NSUN7: variants seen among roughly 807,000 people sequenced by gnomAD.
NSUN7 encodes the protein NOP2/Sun RNA methyltransferase family member 7, also known as protein NSUN7.
A neutral mutation model predicts 58.5 loss-of-function variants in NSUN7; 39 were observed. The ratio of observed to expected loss-of-function variants is 0.67; its 90% confidence interval spans 0.52 to 0.87. NSUN7 has a LOEUF of 0.87. NSUN7 is among the 40% of genes least tolerant of loss of function. The probability of loss-of-function intolerance (pLI) is 0.00; values close to 1 mark genes in which losing one functional copy is unlikely to be tolerated. For missense variants in NSUN7, 765 were observed against 844.1 expected, an observed-to-expected ratio of 0.91 and a Z score of 1.16; for synonymous variants, 278 against 303.7, an observed-to-expected ratio of 0.92 and a Z score of 0.88.
Position 40,808,869 on chromosome 4 carries a change from C to T in NSUN7, c.2087C>T (p.Ser696Phe). 1.3e-6 allele frequency: 2 copies of T among 1,547,798 alleles called. No individual in the cohort carries two copies. Among genetic ancestry groups the T allele is most frequent in the Middle Eastern group, 1.7e-4 (1 of 5,994 alleles). The change falls in exon 12 of 12, where the codon TCC (serine) becomes TTC (phenylalanine). Residue 696 changes from serine (S) to phenylalanine (F), a missense_variant. Physicochemically the swap from Ser to Phe is radical, Grantham distance 155 (BLOSUM62 -2). Transcript: ENST00000381782. ...VPTCLPTHSL[S>F]RKEEKPKDDT... ...ACCTGCCTTCCCACACACTCACTAT[C>T]CAGAAAAGAGGAAAAGCCTAAAGAT...
chr4:40,774,675 AT>A, intron 5 of NSUN7, 91 bp from the exon 6 acceptor site: 3 of 836,432 alleles, frequency 3.6e-6, no homozygotes, highest in Non-Finnish European at 5.6e-6. Context: ...ATGAAGTGAT[AT>A]TTTTCTTTGT....
At chr4:40,808,191 T>C in intron 11 of NSUN7, 116 bp from the exon 12 acceptor site, 2 of 1,186,906 alleles carry the variant, frequency 1.7e-6, no homozygotes, top group Non-Finnish European at 2.3e-6. Flanking sequence ...CTATTTCTTA[T>C]TTCTTTTAGT....
intron 7 of NSUN7, among the ~76,000 whole-genome samples, chr4:40,783,171 T>C (rs1742657286): frequency 6.6e-6 from 1 of 152,210 alleles, no homozygotes; most frequent in Non-Finnish European, 1.5e-5. Context: ...AGGGTAAATG[T>C]ATAGATCAGT....
intron 7 of NSUN7, among the ~76,000 whole-genome samples, chr4:40,782,927 G>A (rs1031563088): frequency 2.0e-5 from 3 of 152,134 alleles, no homozygotes; most frequent in African/African-American, 7.2e-5. Context: ...CCACGTTTAA[G>A]GATCAGAACA....
chr4:40,808,797 CT>C lies in NSUN7; in HGVS notation c.2016del (p.Gln673AsnfsTer69). The C allele has an allele frequency of 6.5e-7, 1 of 1,549,494 alleles. No homozygotes were observed. The highest frequency in any genetic ancestry group is 8.7e-7 in the Non-Finnish European group (1 of 1,146,566). On this transcript the variant is annotated frameshift_variant, in exon 12 of 12. Transcript: ENST00000381782. LOFTEE classifies it low-confidence loss of function (END_TRUNC). ...CAAGGGATCAGATCTCGGATGCCAACTCAACATTTGTACTGTCGTTGGGTTG... is the reference window on the plus strand; with the variant it reads ...CAAGGGATCAGATCTCGGATGCCAACCAACATTTGTACTGTCGTTGGGTTG... ...SPQGIRSRMP[T>X]QHLYCRWVAP...
At chr4:40,793,105 G>A (rs1267522049) in intron 8 of NSUN7, among the ~76,000 whole-genome samples, 2 of 152,104 alleles carry the variant, frequency 1.3e-5, no homozygotes, top group African/African-American at 2.4e-5. Flanking sequence ...ATTTGTAATA[G>A]TCCTTTAACA....
chr4:40,792,720 C>G (rs945595190), intron 8 of NSUN7, among the ~76,000 whole-genome samples: 15 of 151,794 alleles, frequency 9.9e-5, no homozygotes, highest in Admixed American at 3.3e-4. Context: ...CCACTGCACT[C>G]CAGCCTGGGC....
chr4:40,767,000 T>A (rs1292180219), intron 4 of NSUN7, among the ~76,000 whole-genome samples: 1 of 150,948 alleles, frequency 6.6e-6, no homozygotes, highest in Non-Finnish European at 1.5e-5. Context: ...TTGCTAGCAG[T>A]CTATCAATTT....
rs181477510 is a variant in NSUN7 at position 40,792,476 on chromosome 4, G to T, written c.1180+1731G>T. Among the ~76,000 whole-genome samples the T allele has an allele frequency of 9.3e-4, 141 of 152,352 alleles. 1 individual carries two copies. The highest frequency in any genetic ancestry group is 2.5e-3 in the African/African-American group (103 of 41,594). ...TAAGAAGTTGTCGTATACTGGCCGG[G>T]AGCGGTGGCTCACGCCTGTAATCCC... On this transcript the variant is annotated intron_variant, in intron 8 of 11. Transcript: ENST00000381782.
intron 7 of NSUN7, chr4:40,786,572 G>T (rs1742832535): frequency 6.8e-6 from 11 of 1,613,334 alleles, no homozygotes; most frequent in Non-Finnish European, 9.3e-6. Flanking sequence ...TTAGCAATGG[G>T]TGACCTGAGT....
At chr4:40,761,716 A>T (rs1741472676) in intron 4 of NSUN7, among the ~76,000 whole-genome samples, 1 of 152,212 alleles carries the variant, frequency 6.6e-6, no homozygotes, top group East Asian at 1.9e-4. Flanking sequence ...AGTAAAGAAA[A>T]AAAAATTCTA....
chr4:40,807,276 T>A, intron 11 of NSUN7, 92 bp downstream of exon 11: 1 of 1,178,030 alleles, frequency 8.5e-7, no homozygotes, highest in Non-Finnish European at 1.2e-6. Flanking sequence ...GCACATTCTG[T>A]AAAGATGTGT....
At chr4:40,757,097 T>C (rs1301957377) in intron 2 of NSUN7, among the ~76,000 whole-genome samples, 2 of 152,020 alleles carry the variant, frequency 1.3e-5, no homozygotes. Context: ...GGCATGGTGG[T>C]GGGTGCCTGT....
In NSUN7 at chr4:40,810,173, CTATTTT is replaced by C; in HGVS notation, c.*1237_*1242del. ...TTAGGTCTACTTCAGCTCTGATATT[CTATTTT>C]TACTTTCTTACTTGAAGTGAGAAAA... On this transcript the variant is annotated 3_prime_UTR_variant, in exon 12 of 12. Transcript: ENST00000381782. The C allele has an allele frequency of 6.6e-6, 1 of 152,284 alleles. No individual in the cohort carries two copies. The highest frequency in any genetic ancestry group is 2.1e-4 in the South Asian group (1 of 4,826). 9.4% of individuals were successfully genotyped at this position (152,284 alleles called of 1,614,324 possible).
intron 2 of NSUN7, among the ~76,000 whole-genome samples, chr4:40,753,895 G>A (rs551888797): frequency 1.1e-4 from 17 of 152,154 alleles, no homozygotes; most frequent in South Asian, 2.1e-4. Flanking sequence ...CTTGTCTGCC[G>A]CCATGTGAGA....
At chr4:40,782,636 A>C (rs1286049712) in intron 7 of NSUN7, among the ~76,000 whole-genome samples, 2 of 151,964 alleles carry the variant, frequency 1.3e-5, no homozygotes, top group Non-Finnish European at 2.9e-5. Flanking sequence ...GGGAGGGGCT[A>C]AGGTGGGAGG....
chr4:40,793,140 G>GA, intron 8 of NSUN7, among the ~76,000 whole-genome samples: 2 of 151,898 alleles, frequency 1.3e-5, no homozygotes, highest in African/African-American at 4.8e-5. Context: ...TTAGAACAGA[G>GA]AAAAAAAATG....
intron 7 of NSUN7, among the ~76,000 whole-genome samples, chr4:40,780,851 G>A (rs1214754542): frequency 1.8e-5 from 2 of 110,572 alleles, no homozygotes; most frequent in Non-Finnish European, 1.7e-5. Flanking sequence ...ACGGTGTCTC[G>A]CTCTGTCGCC....
chr4:40,792,550 G>T (rs187425391), intron 8 of NSUN7, among the ~76,000 whole-genome samples: 51 of 152,242 alleles, frequency 3.3e-4, no homozygotes, highest in African/African-American at 1.1e-3. Flanking sequence ...AGGAGCTCGA[G>T]ACCATCCTGG....
Sources: gnomAD v4.1 joint callset for allele counts (sites outside exome capture counted in the v4.1 genomes callset) on GRCh38, gnomAD v4.1.1 for gene constraint, MANE v1.5 for transcripts, NCBI Gene and HGNC (gene_info 2026-07-23, HGNC 2026-07-21) for gene names.